LSM14A: variants seen among roughly 807,000 people sequenced by gnomAD.
LSM14A encodes LSM14A mRNA processing body assembly factor.
Under a neutral mutation model 52.4 loss-of-function variants are expected in LSM14A, and 14 were observed. The observed-to-expected ratio is 0.27, with a 90% confidence interval of 0.18 to 0.42. The LOEUF (loss-of-function observed/expected upper bound fraction) is 0.42. Ranked by LOEUF, LSM14A falls within the 10% of genes least tolerant of loss-of-function variation. The pLI, the probability that LSM14A is intolerant of heterozygous loss-of-function variation, is 1.00. For synonymous variants in LSM14A, 185 were observed against 200.3 expected, an observed-to-expected ratio of 0.92 and a Z score of 0.64; for missense variants, 417 against 581.8, an observed-to-expected ratio of 0.72 and a Z score of 2.91.
chr19:34,198,493 G>C, intron 3 of LSM14A, among the ~76,000 whole-genome samples: 1 of 152,142 alleles, frequency 6.6e-6, no homozygotes, highest in East Asian at 1.9e-4. Context: ...GTGCATGCCT[G>C]TAATCCCGGC....
intron 6 of LSM14A, among the ~76,000 whole-genome samples, chr19:34,218,835 A>G (rs972463135): frequency 6.6e-5 from 10 of 152,160 alleles, no homozygotes; most frequent in Admixed American, 6.5e-4. Context: ...ATGGAGTAGG[A>G]AGTGTTTTGA....
At chr19:34,197,978 G>T (rs2070990510) in intron 3 of LSM14A, among the ~76,000 whole-genome samples, 1 of 151,182 alleles carries the variant, frequency 6.6e-6, no homozygotes, top group Non-Finnish European at 1.5e-5. Flanking sequence ...TGTTTTTATA[G>T]CTATGCATTT....
chr19:34,201,693 T>A (rs2145712054), intron 3 of LSM14A, among the ~76,000 whole-genome samples: 1 of 152,342 alleles, frequency 6.6e-6, no homozygotes, highest in Non-Finnish European at 1.5e-5. Flanking sequence ...TAGGCCTCTT[T>A]TCATTTTTGG....
chr19:34,215,470 A>G, intron 5 of LSM14A, 126 bp from the exon 6 acceptor site: 1 of 1,084,922 alleles, frequency 9.2e-7, no homozygotes, highest in East Asian at 2.4e-5. Flanking sequence ...GTGTGGGTAT[A>G]GTTTTTTGGG....
chr19:34,203,646 A>G (rs1599694260), intron 3 of LSM14A, among the ~76,000 whole-genome samples: 1 of 151,642 alleles, frequency 6.6e-6, no homozygotes, highest in South Asian at 2.1e-4. Flanking sequence ...CTAAAAATAC[A>G]AAAAAAATGA....
rs1286287783 is a variant in LSM14A, at chr19:34,228,513, G to A, written c.*1125G>A. 6.6e-6 allele frequency: 1 copy of A among 152,584 alleles called. No individual in the cohort carries two copies. Among genetic ancestry groups the A allele is most frequent in the Non-Finnish European group, 1.5e-5 (1 of 68,044 alleles). 9.5% of individuals were successfully genotyped at this position (152,584 alleles called of 1,614,324 possible). A position where few individuals can be genotyped will look rare whatever the true frequency, so the allele number is the denominator to read the frequency against. On this transcript the variant is annotated 3_prime_UTR_variant, in exon 10 of 10. Coordinates refer to ENST00000544216, the MANE Select transcript of LSM14A (RefSeq NM_015578.4). ...CCATCATATTTCAAGAGGATTCAGA[G>A]TGCTAGAAATTATTTTGGTAGCCTG...
chr19:34,202,321 C>T (rs1041811750), intron 3 of LSM14A, among the ~76,000 whole-genome samples: 1 of 149,898 alleles, frequency 6.7e-6, no homozygotes, highest in Non-Finnish European at 1.5e-5. Flanking sequence ...TAGCTAAACC[C>T]TGGCTCTACA....
intron 1 of LSM14A, among the ~76,000 whole-genome samples, chr19:34,176,214 T>TAAA (rs1317347489): frequency 6.6e-6 from 1 of 152,232 alleles, no homozygotes; most frequent in African/African-American, 2.4e-5. Flanking sequence ...AGATCCCTGT[T>TAAA]ACTGTTTTTA....
At chr19:34,178,810 G>A (rs925295284) in intron 1 of LSM14A, among the ~76,000 whole-genome samples, 1 of 152,278 alleles carries the variant, frequency 6.6e-6, no homozygotes, top group Non-Finnish European at 1.5e-5. Context: ...TCAGTGAGTA[G>A]GGATGCAAGA....
intron 3 of LSM14A, among the ~76,000 whole-genome samples, chr19:34,206,834 T>C (rs535234801): frequency 2.0e-5 from 3 of 152,192 alleles, no homozygotes; most frequent in African/African-American, 7.2e-5. Flanking sequence ...GTTTATTAGA[T>C]GTAGAAGCCA....
At chr19:34,191,100 C>A (rs1264912388) in intron 1 of LSM14A, among the ~76,000 whole-genome samples, 1 of 151,996 alleles carries the variant, frequency 6.6e-6, no homozygotes, top group Admixed American at 6.5e-5. Context: ...TCTTGTTTAC[C>A]TTTTCTCAAA....
chr19:34,219,025 G>T (rs2072876221), intron 6 of LSM14A, among the ~76,000 whole-genome samples: 1 of 152,118 alleles, frequency 6.6e-6, no homozygotes, highest in Admixed American at 6.6e-5. Context: ...ACTTCAGTTT[G>T]CCGGTGTTGG....
At chr19:34,184,044 A>G (rs1408350122) in intron 1 of LSM14A, among the ~76,000 whole-genome samples, 1 of 142,598 alleles carries the variant, frequency 7.0e-6, no homozygotes, top group Non-Finnish European at 1.5e-5. Context: ...TCTTTTCTAG[A>G]CTTTCCTTTG....
At chr19:34,205,006 C>T (rs1468981097) in intron 3 of LSM14A, among the ~76,000 whole-genome samples, 1 of 152,050 alleles carries the variant, frequency 6.6e-6, no homozygotes, top group Non-Finnish European at 1.5e-5. Flanking sequence ...TTGGCATGCG[C>T]CTGTAGTCCC....
intron 3 of LSM14A, among the ~76,000 whole-genome samples, chr19:34,205,053 G>A (rs1249034190): frequency 3.3e-5 from 5 of 152,114 alleles, no homozygotes; most frequent in Non-Finnish European, 5.9e-5. Flanking sequence ...AATCACTTGA[G>A]CTGGGGAGGC....
intron 1 of LSM14A, among the ~76,000 whole-genome samples, chr19:34,182,609 G>A (rs1380279428): frequency 3.3e-5 from 5 of 151,110 alleles, no homozygotes; most frequent in South Asian, 4.2e-4. Flanking sequence ...AGGCCAAGGC[G>A]GGCAGATCAC....
chr19:34,214,021 G>A lies in LSM14A; in HGVS notation c.539-1103G>A, dbSNP rs141543142. ...TGGTCTCGAACTCCTGAGCTCAAGC[G>A]ATCTGCCCATCTCAGCCTCCCAAAT... On this transcript the variant is annotated intron_variant, in intron 4 of 9. Coordinates refer to ENST00000544216, the MANE Select transcript of LSM14A (RefSeq NM_015578.4). Among the ~76,000 whole-genome samples, 1,063 of 152,138 alleles carry A rather than the reference G, an allele frequency of 7.0e-3. 15 individuals carry two copies. Among genetic ancestry groups the A allele is most frequent in the African/African-American group, 0.024 (1,016 of 41,506 alleles).
intron 1 of LSM14A, among the ~76,000 whole-genome samples, chr19:34,176,028 T>G (rs2069066571): frequency 6.6e-6 from 1 of 152,116 alleles, no homozygotes; most frequent in African/African-American, 2.4e-5. Context: ...TTTTGTATTT[T>G]GAGTAGAGAC....
chr19:34,192,327 T>TTTTTTG (rs2070474512), intron 1 of LSM14A, among the ~76,000 whole-genome samples: 1 of 121,966 alleles, frequency 8.2e-6, no homozygotes. Flanking sequence ...TTGTTTTTTT[T>TTTTTTG]TTTTTTTTTT....
Sources: gnomAD v4.1 joint callset for allele counts (sites outside exome capture counted in the v4.1 genomes callset) on GRCh38, gnomAD v4.1.1 for gene constraint, MANE v1.5 for transcripts, NCBI Gene and HGNC (gene_info 2026-07-23, HGNC 2026-07-21) for gene names.